ITGBL1: variants seen among roughly 807,000 people sequenced by gnomAD.
The protein encoded by ITGBL1 is integrin beta-like protein 1.
ITGBL1 carries 51 observed loss-of-function variants against 68.5 expected under a neutral mutation model. The observed-to-expected ratio is 0.74, with a 90% CI of 0.59 to 0.94. The LOEUF (loss-of-function observed/expected upper bound fraction) is 0.94, where lower values mean the gene tolerates loss of function less well. Ranked by LOEUF, ITGBL1 falls within the 40% of genes least tolerant of loss-of-function variation. The pLI is 0.00. For missense variants in ITGBL1, 649 were observed against 647.4 expected (o/e 1.00, Z -0.03); for synonymous variants, 209 against 227.3 (o/e 0.92, Z 0.72).
At chr13:101,490,997 G>A (rs2048767880) in intron 2 of ITGBL1, among the ~76,000 whole-genome samples, 1 of 152,154 alleles carries the variant, frequency 6.6e-6, no homozygotes, top group Admixed American at 6.5e-5. Flanking sequence ...CATTGTGTGT[G>A]TAATGTCTGT....
chr13:101,598,643 T>A (rs1235213642), intron 7 of ITGBL1, among the ~76,000 whole-genome samples: 1 of 152,050 alleles, frequency 6.6e-6, no homozygotes, highest in Admixed American at 6.6e-5. Flanking sequence ...TGACCATGTG[T>A]TCTCATTGTT....
intron 3 of ITGBL1, among the ~76,000 whole-genome samples, chr13:101,575,094 C>G (rs914535098): frequency 6.6e-6 from 1 of 152,076 alleles, no homozygotes; most frequent in Non-Finnish European, 1.5e-5. Context: ...CTTTATTTCA[C>G]TTCAGACCCA....
At chr13:101,463,962 G>A (rs1415032777) in intron 2 of ITGBL1, among the ~76,000 whole-genome samples, 1 of 146,760 alleles carries the variant, frequency 6.8e-6, no homozygotes, top group Non-Finnish European at 1.5e-5. Flanking sequence ...AGACTGGAGT[G>A]CAGTGGTGTG....
chr13:101,456,917 A>G (rs892783573), intron 2 of ITGBL1, among the ~76,000 whole-genome samples: 1 of 151,874 alleles, frequency 6.6e-6, no homozygotes, highest in Non-Finnish European at 1.5e-5. Context: ...CGCTGTCTCA[A>G]AAAAAAAGTG....
intron 7 of ITGBL1, among the ~76,000 whole-genome samples, chr13:101,662,348 T>C (rs920061813): frequency 6.6e-6 from 1 of 152,148 alleles, no homozygotes; most frequent in African/African-American, 2.4e-5. Flanking sequence ...TATTGAAGCT[T>C]TGAATGAGTG....
chr13:101,607,092 A>G (rs1255600195), intron 7 of ITGBL1, among the ~76,000 whole-genome samples: 2 of 151,966 alleles, frequency 1.3e-5, no homozygotes, highest in African/African-American at 2.4e-5. Context: ...TATTTTATAA[A>G]TGATGTGTTT....
At chr13:101,452,971 G>A (rs540096138) in intron 1 of ITGBL1, 40 bp downstream of exon 1, 1 of 1,528,648 alleles carries the variant, frequency 6.5e-7, no homozygotes, top group Non-Finnish European at 9.1e-7. Flanking sequence ...GACCTGCCCT[G>A]CTTATGTGGC....
chr13:101,632,566 G>A (rs2032022669), intron 7 of ITGBL1, among the ~76,000 whole-genome samples: 1 of 152,126 alleles, frequency 6.6e-6, no homozygotes. Flanking sequence ...ATATGTATTG[G>A]TAAGTGAACC....
At chr13:101,604,871 T>TACACACACACAC (rs1334807426) in intron 7 of ITGBL1, among the ~76,000 whole-genome samples, 1 of 23,448 alleles carries the variant, frequency 4.3e-5, no homozygotes, top group East Asian at 2.7e-3. Flanking sequence ...TATATATATA[T>TACACACACACAC]ATATATATAT....
In ITGBL1 at chr13:101,452,943, T is replaced by A; in HGVS notation, c.98+12T>A. The A allele has an allele frequency of 6.2e-7, 1 of 1,610,894 alleles. No homozygotes were observed. The highest frequency in any genetic ancestry group is 8.5e-7 in the Non-Finnish European group (1 of 1,177,042). On this transcript the variant is annotated intron_variant, in intron 1 of 10. Transcript: ENST00000376180. ...TCGCCATCTCTGAGGTAAGTTTGGT[T>A]TGTTATTCTTCAGTACAGACCTGCC...
chr13:101,711,888 C>T (rs911264048), intron 9 of ITGBL1: 1 of 152,190 alleles, frequency 6.6e-6, no homozygotes, highest in Non-Finnish European at 1.5e-5. Flanking sequence ...AAACTCCTGC[C>T]AAGATCAGCC....
chr13:101,706,076 A>G (rs1469856643), intron 8 of ITGBL1, among the ~76,000 whole-genome samples: 1 of 152,222 alleles, frequency 6.6e-6, no homozygotes, highest in Non-Finnish European at 1.5e-5. Flanking sequence ...ACAGGTGTAC[A>G]TCCTGGTATA....
chr13:101,544,817 A>G (rs1197468843), intron 2 of ITGBL1, among the ~76,000 whole-genome samples: 6 of 152,164 alleles, frequency 3.9e-5, no homozygotes, highest in Non-Finnish European at 7.4e-5. Flanking sequence ...TGTGCTAGCA[A>G]TGAGCAAGGC....
At chr13:101,498,423 C>T (rs1594848139) in intron 2 of ITGBL1, among the ~76,000 whole-genome samples, 3 of 152,066 alleles carry the variant, frequency 2.0e-5, no homozygotes, top group African/African-American at 7.2e-5. Flanking sequence ...TACATATACA[C>T]ATTATAATTG....
chr13:101,538,577 C>T (rs75528926), intron 2 of ITGBL1, among the ~76,000 whole-genome samples: 3,293 of 151,730 alleles, frequency 0.022, 127 homozygotes, highest in African/African-American at 0.074. Flanking sequence ...AAACATAACA[C>T]GAACATAATA....
intron 2 of ITGBL1, among the ~76,000 whole-genome samples, chr13:101,456,152 G>A (rs563473691): frequency 2.6e-4 from 40 of 152,246 alleles, no homozygotes; most frequent in African/African-American, 7.7e-4. Flanking sequence ...GCATGGTTTT[G>A]TTTGGTTATG....
At chr13:101,500,840 C>G (rs954369641) in intron 2 of ITGBL1, among the ~76,000 whole-genome samples, 1 of 152,162 alleles carries the variant, frequency 6.6e-6, no homozygotes, top group Non-Finnish European at 1.5e-5. Flanking sequence ...ATATCAGAGT[C>G]TACTGCAACA....
intron 2 of ITGBL1, among the ~76,000 whole-genome samples, chr13:101,520,591 T>G (rs1221797109): frequency 6.6e-6 from 1 of 152,202 alleles, no homozygotes; most frequent in East Asian, 1.9e-4. Flanking sequence ...TCCAATCATG[T>G]TCTTTTAAAG....
chr13:101,525,227 G>C (rs1055077283), intron 2 of ITGBL1, among the ~76,000 whole-genome samples: 14 of 151,824 alleles, frequency 9.2e-5, no homozygotes, highest in Admixed American at 7.9e-4. Context: ...TGATATTAAG[G>C]GACAACCTTC....
Sources: gnomAD v4.1 joint callset for allele counts (sites outside exome capture counted in the v4.1 genomes callset) on GRCh38, gnomAD v4.1.1 for gene constraint, MANE v1.5 for transcripts, NCBI Gene and HGNC (gene_info 2026-07-23, HGNC 2026-07-21) for gene names.